Variants in NRXN3 observed in about 807,000 individuals in gnomAD.
The protein encoded by NRXN3 is neurexin 3.
NRXN3 carries 32 observed loss-of-function variants against 137.6 expected under a neutral mutation model. The observed-to-expected ratio is 0.23, with a 90% CI of 0.18 to 0.31. NRXN3 has a LOEUF of 0.31. Ranked by LOEUF, NRXN3 falls within the 10% of genes least tolerant of loss-of-function variation. The pLI, the probability that NRXN3 is intolerant of heterozygous loss-of-function variation, is 1.00. For synonymous variants in NRXN3, 798 were observed against 784.5 expected (o/e 1.02, Z -0.29); for missense variants, 1,574 against 2,062.5 (o/e 0.76, Z 4.59).
intron 11 of NRXN3, among the ~76,000 whole-genome samples, chr14:78,964,196 T>C (rs553997310): frequency 6.6e-6 from 1 of 152,298 alleles, no homozygotes; most frequent in Admixed American, 6.5e-5. Flanking sequence ...CAATCCTCCC[T>C]TTTTTTGTCA....
intron 8 of NRXN3, among the ~76,000 whole-genome samples, chr14:78,733,434 T>A (rs1274219982): frequency 1.3e-5 from 2 of 152,178 alleles, no homozygotes; most frequent in Non-Finnish European, 2.9e-5. Flanking sequence ...CTAGTCTATG[T>A]AGCCATTTCA....
chr14:79,569,518 G>C (rs2097577915), intron 16 of NRXN3, among the ~76,000 whole-genome samples: 1 of 152,058 alleles, frequency 6.6e-6, no homozygotes, highest in Non-Finnish European at 1.5e-5. Context: ...TAGAAATTGA[G>C]TAGTTCCCAC....
At chr14:79,299,123 C>A in intron 15 of NRXN3, among the ~76,000 whole-genome samples, 1 of 152,076 alleles carries the variant, frequency 6.6e-6, no homozygotes. Flanking sequence ...TATTTATTTG[C>A]TTTTGTTTTA....
At chr14:79,129,152 G>A (rs1339086532) in intron 15 of NRXN3, among the ~76,000 whole-genome samples, 16 of 151,990 alleles carry the variant, frequency 1.1e-4, no homozygotes, top group Admixed American at 1.3e-4. Context: ...TAATTTTTTG[G>A]AGGGTTTTTT....
chr14:79,064,474 A>G lies in NRXN3; in HGVS notation c.3262+76333A>G, dbSNP rs376831558. ...GGACAGGTGGTGTCTCCAATTGGTC[A>G]TATTCTCCAAGTTATTTTTGGTCTA... On this transcript the variant is annotated intron_variant, in intron 15 of 20. Coordinates refer to ENST00000335750, the MANE Select transcript of NRXN3 (RefSeq NM_001330195.2). Among the ~76,000 whole-genome samples the G allele has an allele frequency of 9.2e-5, 14 of 152,038 alleles. No homozygotes were observed. In the South Asian group the frequency reaches 1.7e-3, roughly 18 times the overall value.
intron 15 of NRXN3, among the ~76,000 whole-genome samples, chr14:79,018,150 C>T (rs555540223): frequency 1.3e-5 from 2 of 150,942 alleles, no homozygotes; most frequent in African/African-American, 4.9e-5. Context: ...ATCCCAGCTA[C>T]TCGGGAGGCT....
At chr14:79,560,265 C>A (rs80132219) in intron 16 of NRXN3, among the ~76,000 whole-genome samples, 9 of 151,790 alleles carry the variant, frequency 5.9e-5, no homozygotes, top group Non-Finnish European at 4.4e-5. Context: ...TGGCCTGGTT[C>A]GTCAAACTTT....
At chr14:79,441,423 A>AGGCT in intron 15 of NRXN3, among the ~76,000 whole-genome samples, 1 of 114,804 alleles carries the variant, frequency 8.7e-6, no homozygotes, top group East Asian at 3.0e-4. Flanking sequence ...TCTGTTGTCC[A>AGGCT]GGCTGGAGTG....
At chr14:78,223,016 C>T (rs1390663071) in intron 1 of NRXN3, among the ~76,000 whole-genome samples, 3 of 152,216 alleles carry the variant, frequency 2.0e-5, no homozygotes, top group African/African-American at 4.8e-5. Context: ...GGTAATGTCA[C>T]TCAACAAATA....
intron 16 of NRXN3, among the ~76,000 whole-genome samples, chr14:79,504,641 T>C (rs2043586): frequency 1.0e-5 from 1 of 97,876 alleles, no homozygotes. Flanking sequence ...ATGAAGTTTT[T>C]TATATATATA....
chr14:79,243,851 G>A lies in NRXN3; in HGVS notation c.3263-223370G>A, dbSNP rs2074726967. 2.6e-5 allele frequency among the ~76,000 whole-genome samples: 4 copies of A among 152,082 alleles called. 1 individual carries two copies. The highest frequency in any genetic ancestry group is 5.9e-5 in the Non-Finnish European group (4 of 68,026). On this transcript the variant is annotated intron_variant, in intron 15 of 20. Coordinates refer to ENST00000335750, the MANE Select transcript of NRXN3 (RefSeq NM_001330195.2). ...TCATTGATGGAAATGTCATTATGTA[G>A]TACATGGCTATATTATTATCATATT...
intron 20 of NRXN3, 52 bp downstream of exon 20, chr14:79,805,242 A>G: frequency 1.6e-6 from 2 of 1,264,152 alleles, no homozygotes; most frequent in Non-Finnish European, 2.3e-6. Flanking sequence ...TTTGCAAAAA[A>G]CAATACATAC....
chr14:79,547,462 C>A (rs2097331974), intron 16 of NRXN3, among the ~76,000 whole-genome samples: 1 of 152,118 alleles, frequency 6.6e-6, no homozygotes, highest in African/African-American at 2.4e-5. Context: ...ATTAGCAAGC[C>A]AAATCTTGCC....
chr14:79,335,666 A>T (rs564229942), intron 15 of NRXN3, among the ~76,000 whole-genome samples: 126 of 152,184 alleles, frequency 8.3e-4, no homozygotes, highest in African/African-American at 3.0e-3. Flanking sequence ...TATACTATAT[A>T]TATATCATTG....
At chr14:78,659,995 G>A (rs775079683) in intron 6 of NRXN3, among the ~76,000 whole-genome samples, 35 of 152,086 alleles carry the variant, frequency 2.3e-4, no homozygotes, top group Non-Finnish European at 4.4e-4. Flanking sequence ...GGAAGAAGGA[G>A]CGAAACCCTC....
chr14:78,924,091 T>C (rs780800039), intron 10 of NRXN3, among the ~76,000 whole-genome samples: 2 of 151,780 alleles, frequency 1.3e-5, no homozygotes, highest in African/African-American at 2.4e-5. Context: ...CTCTACCAAA[T>C]ACAAAAAATT....
In NRXN3 at chr14:79,809,609, C is replaced by A. The variant is rs74064070; in HGVS notation, c.4093+4419C>A. ...AATAAAGTTATAATAAAACCATCTG[C>A]ATCAAATGAAGATATTCAGAAGTGT... On this transcript the variant is annotated intron_variant, in intron 20 of 20. Coordinates refer to ENST00000335750, the MANE Select transcript of NRXN3 (RefSeq NM_001330195.2). Among the ~76,000 whole-genome samples the A allele has an allele frequency of 2.2e-3, 334 of 152,258 alleles. 3 individuals are homozygous for A. The highest frequency in any genetic ancestry group is 7.8e-3 in the African/African-American group (323 of 41,542).
chr14:78,405,998 A>G (rs1038396203), intron 4 of NRXN3, among the ~76,000 whole-genome samples: 4 of 152,182 alleles, frequency 2.6e-5, no homozygotes, highest in Non-Finnish European at 4.4e-5. Flanking sequence ...CATGCCTAAC[A>G]TTGCAGGTAG....
intron 2 of NRXN3, among the ~76,000 whole-genome samples, chr14:78,254,352 A>G (rs1189206328): frequency 2.0e-5 from 3 of 152,146 alleles, no homozygotes; most frequent in African/African-American, 7.2e-5. Flanking sequence ...CTGAATTTCC[A>G]AGGAGCTTCC....
Sources: allele counts gnomAD v4.1 joint callset (sites outside exome capture counted in the v4.1 genomes callset), GRCh38; gene constraint gnomAD v4.1.1; transcripts MANE v1.5; gene names NCBI Gene and HGNC (gene_info 2026-07-23, HGNC 2026-07-21).